Variants in EFCAB11 observed in about 807,000 individuals in gnomAD.
EFCAB11 encodes the protein EF-hand calcium binding domain 11.
In EFCAB11, 14 loss-of-function variants were observed where a neutral mutation model predicts 23.0. The observed-to-expected ratio is 0.61, with a 90% CI of 0.40 to 0.95. The LOEUF (loss-of-function observed/expected upper bound fraction) is 0.95. EFCAB11 is among the 40% of genes least tolerant of loss of function. The pLI, the probability that EFCAB11 is intolerant of heterozygous loss-of-function variation, is 0.00. For missense variants in EFCAB11, 198 were observed against 195.8 expected (o/e 1.01, Z -0.07); for synonymous variants, 65 against 66.6 (o/e 0.98, Z 0.11).
intron 5 of EFCAB11, among the ~76,000 whole-genome samples, chr14:89,846,256 C>T (rs1403554214): frequency 6.6e-6 from 1 of 152,096 alleles, no homozygotes; most frequent in Non-Finnish European, 1.5e-5. Context: ...AGAAATGAAC[C>T]CAGGACACTT....
chr14:89,906,480 A>G (rs1889504905), intron 5 of EFCAB11, among the ~76,000 whole-genome samples: 1 of 152,196 alleles, frequency 6.6e-6, no homozygotes, highest in Admixed American at 6.6e-5. Context: ...CAACTCATTG[A>G]AACTAGTATG....
intron 5 of EFCAB11, among the ~76,000 whole-genome samples, chr14:89,858,915 A>G (rs1422298718): frequency 6.6e-6 from 1 of 152,204 alleles, no homozygotes; most frequent in East Asian, 1.9e-4. Context: ...AGTTCACACT[A>G]GTTCTCCTTT....
At chr14:89,936,031 T>C (rs753066068) in intron 3 of EFCAB11, among the ~76,000 whole-genome samples, 34 of 151,350 alleles carry the variant, frequency 2.2e-4, no homozygotes, top group Non-Finnish European at 2.5e-4. Context: ...AAAAAACCCA[T>C]GTTTTAAATG....
chr14:89,922,085 T>C (rs1890036441), intron 5 of EFCAB11, among the ~76,000 whole-genome samples: 2 of 152,192 alleles, frequency 1.3e-5, no homozygotes, highest in African/African-American at 2.4e-5. Context: ...AAGGAAACCA[T>C]GGCAGCAGTT....
chr14:89,857,983 T>C (rs543581270), intron 5 of EFCAB11, among the ~76,000 whole-genome samples: 1 of 152,338 alleles, frequency 6.6e-6, no homozygotes, highest in South Asian at 2.1e-4. Flanking sequence ...GGATCACAGA[T>C]GCTTTCAGAC....
rs1566765541 is a variant in EFCAB11, at chr14:89,806,912, C to T, written c.411-9588G>A. ...CCCAACTCCTGTTAGCCATGTTTAG[C>T]CTTTTAAAAAAAAGTAGTTTGAACC... is the stretch of plus-strand genomic sequence containing the variant. On this transcript the variant is annotated intron_variant, in intron 5 of 5. Coordinates refer to ENST00000316738, the MANE Select transcript of EFCAB11 (RefSeq NM_145231.4). Among the ~76,000 whole-genome samples the T allele has an allele frequency of 4.0e-5, 6 of 151,874 alleles. No individual in the cohort carries two copies. The South Asian group carries it at 1.2e-3, about 32-fold the overall frequency.
chr14:89,804,310 G>A (rs1026532904), intron 5 of EFCAB11, among the ~76,000 whole-genome samples: 5 of 152,232 alleles, frequency 3.3e-5, no homozygotes, highest in Non-Finnish European at 5.9e-5. Context: ...CCAGTCTCAG[G>A]CTGGTAATTA....
intron 3 of EFCAB11, among the ~76,000 whole-genome samples, chr14:89,940,704 A>G (rs1157169825): frequency 6.6e-6 from 1 of 152,248 alleles, no homozygotes; most frequent in Non-Finnish European, 1.5e-5. Flanking sequence ...AAGGAAACAG[A>G]AAAGATGCTC....
rs987382225 is a variant in EFCAB11, at chr14:89,954,632, G to C, written c.29C>G (p.Ser10Trp). The C allele has an allele frequency of 3.1e-6, 5 of 1,613,322 alleles. No individual in the cohort carries two copies. Among genetic ancestry groups the C allele is most frequent in the Non-Finnish European group, 4.2e-6 (5 of 1,179,906 alleles). MFFSEARAR[S>W]RTWEASPSEH... ...CGAGGGACTGGCTTCCCACGTCCGC[G>C]ACCTGGCTCTGGCCTCGGAGAAGAA... Residue 10 changes from serine (S) to tryptophan (W), a missense_variant, in exon 1 of 6, where the codon TCG becomes TGG. Ser to Trp is a radical substitution (Grantham distance 177). Coordinates refer to ENST00000316738, the MANE Select transcript of EFCAB11 (RefSeq NM_145231.4).
intron 5 of EFCAB11, among the ~76,000 whole-genome samples, chr14:89,901,158 T>C (rs1889326793): frequency 6.6e-6 from 1 of 152,222 alleles, no homozygotes; most frequent in Admixed American, 6.5e-5. Flanking sequence ...ACCCCTACTC[T>C]TCCCAGAAGA....
intron 5 of EFCAB11, among the ~76,000 whole-genome samples, chr14:89,860,319 G>A (rs747060403): frequency 5.4e-4 from 82 of 152,180 alleles, no homozygotes; most frequent in Non-Finnish European, 1.1e-3. Flanking sequence ...AGCCGAGATC[G>A]CACCATTGCA....
At chr14:89,812,958 T>C (rs553850898) in intron 5 of EFCAB11, among the ~76,000 whole-genome samples, 15 of 152,168 alleles carry the variant, frequency 9.9e-5, no homozygotes, top group African/African-American at 3.4e-4. Flanking sequence ...AACAATAAGC[T>C]GGAAAAACAG....
chr14:89,853,330 T>C (rs535685511), intron 5 of EFCAB11, among the ~76,000 whole-genome samples: 3 of 152,336 alleles, frequency 2.0e-5, no homozygotes, highest in African/African-American at 7.2e-5. Flanking sequence ...TCTGATGAAT[T>C]GGTTAAGAAA....
chr14:89,843,681 G>A (rs1411649521), intron 5 of EFCAB11, among the ~76,000 whole-genome samples: 1 of 152,112 alleles, frequency 6.6e-6, no homozygotes, highest in Non-Finnish European at 1.5e-5. Context: ...AACATATATT[G>A]GGGCATCTTA....
chr14:89,884,548 T>C (rs1306127269), intron 5 of EFCAB11, among the ~76,000 whole-genome samples: 1 of 152,022 alleles, frequency 6.6e-6, no homozygotes, highest in Non-Finnish European at 1.5e-5. Context: ...TGGGAGACCC[T>C]AGCTGATATA....
chr14:89,853,958 G>T (rs888104636), intron 5 of EFCAB11, among the ~76,000 whole-genome samples: 1 of 152,068 alleles, frequency 6.6e-6, no homozygotes, highest in Non-Finnish European at 1.5e-5. Context: ...AAAATGGAAA[G>T]TTTATAGACT....
intron 5 of EFCAB11, among the ~76,000 whole-genome samples, chr14:89,928,741 GATT>G (rs1890276728): frequency 7.3e-6 from 1 of 137,268 alleles, no homozygotes; most frequent in East Asian, 2.1e-4. Flanking sequence ...GTATATAACT[GATT>G]ATATTAATTA....
At chr14:89,925,531 T>C (rs1196331032) in intron 5 of EFCAB11, among the ~76,000 whole-genome samples, 1 of 152,202 alleles carries the variant, frequency 6.6e-6, no homozygotes, top group African/African-American at 2.4e-5. Context: ...CTTGAACTTC[T>C]GCCATTTTTA....
At chr14:89,937,240 A>G (rs1045303264) in intron 3 of EFCAB11, among the ~76,000 whole-genome samples, 6 of 152,182 alleles carry the variant, frequency 3.9e-5, no homozygotes, top group Non-Finnish European at 7.3e-5. Flanking sequence ...TGTAGGAAAG[A>G]TTCTTCTTTA....
Sources: allele counts gnomAD v4.1 joint callset (sites outside exome capture counted in the v4.1 genomes callset), GRCh38; gene constraint gnomAD v4.1.1; transcripts MANE v1.5; gene names NCBI Gene and HGNC (gene_info 2026-07-23, HGNC 2026-07-21).